The following AADAT variants were observed in gnomAD, a reference collection of about 807,000 sequenced individuals.
AADAT encodes the protein aminoadipate aminotransferase.
In AADAT, 25 loss-of-function variants were observed where a neutral mutation model predicts 56.2. The observed-to-expected ratio is 0.44, with a 90% CI of 0.32 to 0.62. The LOEUF is 0.62. Among genes scored for constraint, AADAT ranks in the 20% least tolerant of loss-of-function variants. The probability of loss-of-function intolerance (pLI) is 0.04; values close to 1 mark genes in which losing one functional copy is unlikely to be tolerated. For missense variants in AADAT, 387 were observed against 510.5 expected (o/e 0.76, Z 2.33); for synonymous variants, 173 against 164.7 (o/e 1.05, Z -0.39).
At chr4:170,078,776 C>T (rs1044704111) in intron 3 of AADAT, among the ~76,000 whole-genome samples, 193 bp from the exon 4 acceptor site, 4 of 152,088 alleles carry the variant, frequency 2.6e-5, no homozygotes, top group African/African-American at 7.2e-5. Context: ...ACTACTCTGC[C>T]TCTATAGTGA....
intron 3 of AADAT, among the ~76,000 whole-genome samples, chr4:170,083,601 T>TC: frequency 6.6e-6 from 1 of 152,030 alleles, no homozygotes; most frequent in Non-Finnish European, 1.5e-5. Context: ...CAGACATTTC[T>TC]AAAAGAAGAC....
At chr4:170,067,469 TG>T (rs1479668241) in intron 8 of AADAT, 81 bp from the exon 9 acceptor site, 5 of 1,057,934 alleles carry the variant, frequency 4.7e-6, no homozygotes, top group Non-Finnish European at 7.2e-6. Context: ...AACTCACTTT[TG>T]ATTACATGTA....
At position 170,060,656 on chromosome 4, in the gene AADAT, T is replaced by C. The variant is rs1190948716; in HGVS notation, c.*272A>G. On this transcript the variant is annotated 3_prime_UTR_variant, in exon 13 of 13. Transcript: ENST00000337664. The stretch of plus-strand genomic sequence containing the variant: ...TGTTTGAGGAAATTTAATCTTTAAG[T>C]CTAATACCAGTGTTCATTTCTTCCT... 6 of 306,382 alleles carry C rather than the reference T, an allele frequency of 2.0e-5. No homozygotes were observed. Among genetic ancestry groups the C allele is most frequent in the African/African-American group, 1.1e-4 (5 of 46,200 alleles). 19.0% of individuals were successfully genotyped at this position (306,382 alleles called of 1,614,324 possible).
intron 8 of AADAT, among the ~76,000 whole-genome samples, chr4:170,068,128 G>C (rs1475951647): frequency 7.9e-6 from 1 of 126,220 alleles, no homozygotes; most frequent in Non-Finnish European, 1.6e-5. Context: ...GACAGGGCAA[G>C]ACTCTGTCTC....
chr4:170,064,592 T>C, intron 11 of AADAT, 127 bp downstream of exon 11: 2 of 704,430 alleles, frequency 2.8e-6, no homozygotes, highest in Non-Finnish European at 2.4e-6. Context: ...AAATATCTAA[T>C]ATTAGAACAT....
intron 8 of AADAT, among the ~76,000 whole-genome samples, 157 bp downstream of exon 8, chr4:170,068,434 T>C (rs1158083902): frequency 6.6e-6 from 1 of 152,192 alleles, no homozygotes; most frequent in Non-Finnish European, 1.5e-5. Context: ...TTAAAATGCA[T>C]TCCAACCCAT....
At chr4:170,091,877 G>A (rs1732855441), upstream of AADAT, among the ~76,000 whole-genome samples, 2 of 152,324 alleles carry the variant, frequency 1.3e-5, no homozygotes, top group South Asian at 2.1e-4. Context: ...ACACCAATCA[G>A]CACTCTGTAT....
intron 4 of AADAT, among the ~76,000 whole-genome samples, chr4:170,077,831 C>T (rs1473572493): frequency 6.6e-6 from 1 of 152,212 alleles, no homozygotes; most frequent in Non-Finnish European, 1.5e-5. Flanking sequence ...GGACAGTTTT[C>T]ATGCCTCTGT....
intron 12 of AADAT, 122 bp from the exon 13 acceptor site, chr4:170,061,091 G>A: frequency 1.6e-6 from 1 of 628,132 alleles, no homozygotes; most frequent in Non-Finnish European, 2.5e-6. Flanking sequence ...GCATTGAAAA[G>A]TCAAGTTTAA....
chr4:170,070,570 T>C lies in AADAT; in HGVS notation c.720+17A>G. 1.3e-6 allele frequency: 2 copies of C among 1,560,260 alleles called. No homozygotes were observed. The highest frequency in any genetic ancestry group is 1.8e-6 in the Non-Finnish European group (2 of 1,136,766). On this transcript the variant is annotated intron_variant, in intron 6 of 12. Coordinates refer to ENST00000337664, the MANE Select transcript of AADAT (RefSeq NM_016228.4). Reference sequence around the variant, plus strand: ...ACTTATCTTCTAATAGTGAAGTAAGTTCACATAATCACTTACCTTGTTAAA... The same window carrying C: ...ACTTATCTTCTAATAGTGAAGTAAGCTCACATAATCACTTACCTTGTTAAA...
In AADAT at chr4:170,089,902, A is replaced by C; in HGVS notation, c.-212T>G. On this transcript the variant is annotated 5_prime_UTR_variant, in exon 1 of 13. Coordinates refer to ENST00000337664, the MANE Select transcript of AADAT (RefSeq NM_016228.4). ...CGCTGCGTTCGGTCTCCCGGTCCTA[A>C]ACGGGTCTGGGGCTGTGTGGCGAGC... 1.7e-6 allele frequency: 1 copy of C among 578,420 alleles called. No individual in the cohort carries two copies. 35.8% of individuals were successfully genotyped at this position (578,420 alleles called of 1,614,324 possible). A position where few individuals can be genotyped will look rare whatever the true frequency, so the allele number is the denominator to read the frequency against.
At chr4:170,066,363 C>T in intron 10 of AADAT, 51 bp downstream of exon 10, 2 of 1,488,980 alleles carry the variant, frequency 1.3e-6, no homozygotes, top group Middle Eastern at 1.7e-4. Context: ...TTATCCCCTA[C>T]TTTTACAGAT....
chr4:170,079,022 T>G (rs935730649), intron 3 of AADAT, among the ~76,000 whole-genome samples: 1 of 152,126 alleles, frequency 6.6e-6, no homozygotes. Context: ...GTGTCAGAGA[T>G]AAAATAGCAA....
intron 12 of AADAT, 21 bp from the exon 13 acceptor site, chr4:170,060,990 T>A: frequency 7.0e-7 from 1 of 1,426,676 alleles, no homozygotes; most frequent in Non-Finnish European, 9.5e-7. Flanking sequence ...AAAAAAAAAT[T>A]AGAATTAATT....
chr4:170,077,225 A>G (rs1190551315), intron 4 of AADAT, among the ~76,000 whole-genome samples: 1 of 152,194 alleles, frequency 6.6e-6, no homozygotes, highest in Non-Finnish European at 1.5e-5. Flanking sequence ...CATTTCTACA[A>G]AAAAGGCTGT....
At chr4:170,081,265 G>A (rs541427000) in intron 3 of AADAT, among the ~76,000 whole-genome samples, 6 of 152,048 alleles carry the variant, frequency 3.9e-5, no homozygotes, top group East Asian at 1.9e-4. Flanking sequence ...AAATACAGTC[G>A]GGGAAAAAAG....
rs1581588773 is a variant in AADAT at position 170,079,216 on chromosome 4, C to T, written c.370-633G>A. 2.6e-5 allele frequency among the ~76,000 whole-genome samples: 4 copies of T among 152,232 alleles called. No homozygotes were observed. In the East Asian group the frequency reaches 5.8e-4, roughly 22 times the overall value. ...CATTCAGGGAATTCAGGGAAGGCAT[C>T]CTGGAGGAAGCGATGAGTTGGTGTA... is the stretch of plus-strand genomic sequence containing the variant. On this transcript the variant is annotated intron_variant, in intron 3 of 12. Transcript: ENST00000337664.
At chr4:170,092,386 C>T (rs747755331), upstream of AADAT, among the ~76,000 whole-genome samples, 1 of 152,222 alleles carries the variant, frequency 6.6e-6, no homozygotes, top group Non-Finnish European at 1.5e-5. Flanking sequence ...TAACACTCAC[C>T]GCCAAAGTCT....
chr4:170,088,327 T>C, intron 2 of AADAT, 69 bp downstream of exon 2: 1 of 1,415,090 alleles, frequency 7.1e-7, no homozygotes, highest in Non-Finnish European at 9.6e-7. Context: ...TAATATTCTT[T>C]ATCAATGGGC....
Sources: allele counts gnomAD v4.1 joint callset (sites outside exome capture counted in the v4.1 genomes callset), GRCh38; gene constraint gnomAD v4.1.1; transcripts MANE v1.5; gene names NCBI Gene and HGNC (gene_info 2026-07-23, HGNC 2026-07-21).